Variants in PARD6B observed in about 807,000 individuals in gnomAD.
PARD6B encodes par-6 family cell polarity regulator beta, also known as partitioning defective 6 homolog beta.
A neutral mutation model predicts 10.5 loss-of-function variants in PARD6B; 4 were observed. The ratio of observed to expected loss-of-function variants is 0.38; its 90% CI spans 0.19 to 0.87. PARD6B has a LOEUF of 0.87. Ranked by LOEUF, PARD6B falls within the 40% of genes least tolerant of loss-of-function variation. PARD6B has a pLI of 0.41. For synonymous variants in PARD6B, 169 were observed against 170.4 expected (o/e 0.99, Z 0.07); for missense variants, 396 against 470.6 (o/e 0.84, Z 1.47).
At chr20:50,747,877 A>G (rs573113728) in intron 2 of PARD6B, among the ~76,000 whole-genome samples, 3 of 152,332 alleles carry the variant, frequency 2.0e-5, no homozygotes, top group African/African-American at 7.2e-5. Context: ...CAGCTATGCC[A>G]TCTAAATGAG....
chr20:50,751,179 A>G lies in PARD6B; in HGVS notation c.*691A>G, dbSNP rs998238328. ...GAGACAGGGTTTCGCCATGTTGCCC[A>G]AGTTGGTCTTGAACTCCTGGGCTTA... On this transcript the variant is annotated 3_prime_UTR_variant, in exon 3 of 3. Coordinates refer to ENST00000371610, the MANE Select transcript of PARD6B (RefSeq NM_032521.3). The G allele has an allele frequency of 3.4e-5, 27 of 793,976 alleles. No homozygotes were observed. The highest frequency in any genetic ancestry group is 4.0e-5 in the Non-Finnish European group (26 of 656,660). The allele number at this position is 793,976 out of a possible 1,614,324, so 49.2% of individuals were successfully genotyped here.
At chr20:50,747,189 T>C (rs904976305) in intron 2 of PARD6B, among the ~76,000 whole-genome samples, 1 of 152,254 alleles carries the variant, frequency 6.6e-6, no homozygotes, top group South Asian at 2.1e-4. Context: ...CATTCATTAT[T>C]GTGACTTGGA....
intron 2 of PARD6B, among the ~76,000 whole-genome samples, chr20:50,744,613 G>C (rs1159367789): frequency 6.6e-6 from 1 of 152,094 alleles, no homozygotes; most frequent in Non-Finnish European, 1.5e-5. Context: ...GCCCCTGGCT[G>C]CCTCTGACTC....
chr20:50,738,114 A>C (rs1481442732), intron 2 of PARD6B, 35 bp downstream of exon 2: 8 of 1,478,226 alleles, frequency 5.4e-6, no homozygotes, highest in Non-Finnish European at 7.4e-6. Flanking sequence ...TGTGTTAGAA[A>C]TAGAAATAGT....
chr20:50,747,473 CT>C (rs1296594351), intron 2 of PARD6B, among the ~76,000 whole-genome samples: 197 of 44,130 alleles, frequency 4.5e-3, no homozygotes, highest in African/African-American at 0.016. Context: ...TTTTCTTTTT[CT>C]TTTTTTCTTT....
intron 1 of PARD6B, among the ~76,000 whole-genome samples, chr20:50,732,779 G>C (rs2087478556): frequency 6.6e-6 from 1 of 152,146 alleles, no homozygotes; most frequent in Admixed American, 6.5e-5. Flanking sequence ...AAGCCTTCAT[G>C]CCTTTTTAAT....
chr20:50,732,131 G>A (rs2087474959), intron 1 of PARD6B, among the ~76,000 whole-genome samples: 2 of 152,238 alleles, frequency 1.3e-5, no homozygotes, highest in Non-Finnish European at 2.9e-5. Context: ...CGGGAGTAGG[G>A]GCCAAGGTAT....
In PARD6B at chr20:50,749,713, T is replaced by C; in HGVS notation, c.344T>C (p.Val115Ala). 6.2e-7 allele frequency: 1 copy of C among 1,612,950 alleles called. No individual in the cohort carries two copies. Among genetic ancestry groups the C allele is most frequent in the Non-Finnish European group, 8.5e-7 (1 of 1,179,734 alleles). Reference sequence around the variant, plus strand: ...GACACGCTAATAAAGAAGAAGAATGTTTTAACCAACGTATTGCGTCCTGAC... The same window carrying C: ...GACACGCTAATAAAGAAGAAGAATGCTTTAACCAACGTATTGCGTCCTGAC... ...GTDTLIKKKN[V>A]LTNVLRPDNH... Residue 115 changes from valine (V) to alanine (A), a missense_variant, in exon 3 of 3, where the codon GTT becomes GCT. By Grantham distance (64) the Val-to-Ala change is moderately conservative. Coordinates refer to ENST00000371610, the MANE Select transcript of PARD6B (RefSeq NM_032521.3).
rs1477701786 is a variant in PARD6B, at chr20:50,753,423, A to T, written c.*2935A>T. ...TAACAAAAGTATCAGTGGATCCAACATAAAATTTTATAGTACTAAATGTCA... is the reference window on the plus strand; with the variant it reads ...TAACAAAAGTATCAGTGGATCCAACTTAAAATTTTATAGTACTAAATGTCA... On this transcript the variant is annotated 3_prime_UTR_variant, in exon 3 of 3. Coordinates refer to ENST00000371610, the MANE Select transcript of PARD6B (RefSeq NM_032521.3). The T allele has an allele frequency of 4.1e-6, 4 of 982,758 alleles. No homozygotes were observed. Among genetic ancestry groups the T allele is most frequent in the African/African-American group, 3.5e-5 (2 of 57,178 alleles). 60.9% of individuals were successfully genotyped at this position (982,758 alleles called of 1,614,324 possible). A position where few individuals can be genotyped will look rare whatever the true frequency, so the allele number is the denominator to read the frequency against.
chr20:50,738,645 ACTTT>A (rs1391191824), intron 2 of PARD6B, among the ~76,000 whole-genome samples: 5 of 152,300 alleles, frequency 3.3e-5, no homozygotes, highest in Admixed American at 2.0e-4. Context: ...CCCAGTAAAT[ACTTT>A]CTTTCTTTTA....
At chr20:50,748,446 C>T (rs2087581443) in intron 2 of PARD6B, among the ~76,000 whole-genome samples, 1 of 152,236 alleles carries the variant, frequency 6.6e-6, no homozygotes. Context: ...ATTATCTGCC[C>T]ACTCAGCCTC....
At chr20:50,733,926 A>C (rs1600813610) in intron 1 of PARD6B, among the ~76,000 whole-genome samples, 1 of 152,326 alleles carries the variant, frequency 6.6e-6, no homozygotes, top group East Asian at 1.9e-4. Flanking sequence ...CTGGAATTTC[A>C]GGCTTTTTGC....
chr20:50,744,044 C>T (rs1279154365), intron 2 of PARD6B, among the ~76,000 whole-genome samples: 3 of 151,252 alleles, frequency 2.0e-5, no homozygotes, highest in African/African-American at 7.3e-5. Context: ...TCAGATTTGT[C>T]TCCCCATTTC....
At chr20:50,744,007 C>T (rs982059733) in intron 2 of PARD6B, among the ~76,000 whole-genome samples, 1 of 151,512 alleles carries the variant, frequency 6.6e-6, no homozygotes, top group African/African-American at 2.4e-5. Context: ...GTCACCAAGC[C>T]TATTAAAACT....
chr20:50,732,808 A>G (rs1302287401), intron 1 of PARD6B, among the ~76,000 whole-genome samples: 1 of 152,190 alleles, frequency 6.6e-6, no homozygotes, highest in Non-Finnish European at 1.5e-5. Context: ...GACATTGCAG[A>G]ATACAAAACA....
chr20:50,740,279 T>C (rs1292055885), intron 2 of PARD6B, among the ~76,000 whole-genome samples: 1 of 152,220 alleles, frequency 6.6e-6, no homozygotes, highest in Non-Finnish European at 1.5e-5. Flanking sequence ...AGAATTTAAA[T>C]AATTATGGTT....
chr20:50,736,215 G>C (rs2087498593), intron 1 of PARD6B, among the ~76,000 whole-genome samples: 2 of 152,206 alleles, frequency 1.3e-5, no homozygotes, highest in Admixed American at 1.3e-4. Flanking sequence ...ACTTTAGATA[G>C]AGCAAAACCA....
At chr20:50,737,814 C>CTTTT in intron 1 of PARD6B, 43 bp from the exon 2 acceptor site, 15 of 1,073,824 alleles carry the variant, frequency 1.4e-5, no homozygotes, top group South Asian at 9.8e-5. Context: ...GGTCCTTTTA[C>CTTTT]TTTTTTTTTT....
At chr20:50,738,646 C>T (rs1486687293) in intron 2 of PARD6B, among the ~76,000 whole-genome samples, 1 of 152,086 alleles carries the variant, frequency 6.6e-6, no homozygotes, top group Non-Finnish European at 1.5e-5. Flanking sequence ...CCAGTAAATA[C>T]TTTCTTTCTT....
Sources: allele counts gnomAD v4.1 joint callset (sites outside exome capture counted in the v4.1 genomes callset), GRCh38; gene constraint gnomAD v4.1.1; transcripts MANE v1.5; gene names NCBI Gene and HGNC (gene_info 2026-07-23, HGNC 2026-07-21).